TMEM33: variants seen among roughly 807,000 people sequenced by gnomAD.
TMEM33 encodes transmembrane protein 33.
Under a neutral mutation model 29.7 loss-of-function variants are expected in TMEM33, and 16 were observed. The observed-to-expected ratio is 0.54, with a 90% CI of 0.36 to 0.82. TMEM33 has a LOEUF of 0.82. TMEM33 is among the 40% of genes least tolerant of loss of function. TMEM33 has a pLI of 0.00. For synonymous variants in TMEM33, 112 were observed against 109.4 expected, an observed-to-expected ratio of 1.02 and a Z score of -0.15; for missense variants, 252 against 295.3, an observed-to-expected ratio of 0.85 and a Z score of 1.08.
rs1404793625 is a variant in TMEM33, at chr4:41,935,535, T to G, written c.45+6T>G. ...CCCAAGGGGCGGGCGCTGTGGTAAG[T>G]GCGAGGGCAGGGTAGTCTGGCTTGA... On this transcript the variant is annotated splice_donor_region_variant and intron_variant, in intron 1 of 6. Transcript: ENST00000504986. 3 of 1,604,780 alleles carry G rather than the reference T, an allele frequency of 1.9e-6. No individual in the cohort carries two copies. In the African/African-American group the frequency reaches 4.0e-5, roughly 21 times the overall value.
intron 1 of TMEM33, among the ~76,000 whole-genome samples, chr4:41,936,198 T>C (rs1303395256): frequency 6.6e-6 from 1 of 152,242 alleles, no homozygotes; most frequent in Non-Finnish European, 1.5e-5. Context: ...CAAATTTCCA[T>C]AATTGTCCTT....
At position 41,958,608 on chromosome 4, in the gene TMEM33, A is replaced by G. The variant is rs1445332795; in HGVS notation, c.*4409A>G. 6.6e-6 allele frequency: 1 copy of G among 151,750 alleles called. No homozygotes were observed. The highest frequency in any genetic ancestry group is 1.5e-5 in the Non-Finnish European group (1 of 68,028). The allele number at this position is 151,750 out of a possible 1,614,324, so 9.4% of individuals were successfully genotyped here. On this transcript the variant is annotated 3_prime_UTR_variant, in exon 7 of 7. Transcript: ENST00000504986. ...ATTTAGACTTTTGATAGTAATATAA[A>G]AGCATATTGAAATTTGTAGATATTA...
In TMEM33 at chr4:41,959,539, A is replaced by G. The variant is rs1713399267; in HGVS notation, c.*5340A>G. 4 of 152,194 alleles carry G rather than the reference A, an allele frequency of 2.6e-5. No homozygotes were observed. The highest frequency in any genetic ancestry group is 2.6e-4 in the Admixed American group (4 of 15,288). The allele number at this position is 152,194 out of a possible 1,614,324, so 9.4% of individuals were successfully genotyped here. On this transcript the variant is annotated 3_prime_UTR_variant, in exon 7 of 7. Transcript: ENST00000504986. ...CATATTCCATGAGAAAGAGTGGCCT[A>G]AGAATTATTTCATGTTACCTAGCCT...
At chr4:41,947,894 A>G (rs1181224970) in intron 5 of TMEM33, among the ~76,000 whole-genome samples, 3 of 152,212 alleles carry the variant, frequency 2.0e-5, no homozygotes, top group African/African-American at 4.8e-5. Context: ...AAAGACAGGT[A>G]AAAGGATCAT....
Position 41,947,416 on chromosome 4 carries a change from C to A in TMEM33, c.531-1886C>A, listed in dbSNP as rs77500212. On this transcript the variant is annotated intron_variant, in intron 5 of 6. Coordinates refer to ENST00000504986, the MANE Select transcript of TMEM33 (RefSeq NM_018126.3). ...GCCATGCAAACTTAGACAAAAACTT[C>A]ACTTTGGAACTATAGTGAATTTTTT... is the stretch of plus-strand genomic sequence containing the variant. Among the ~76,000 whole-genome samples the A allele has an allele frequency of 1.1e-3, 174 of 152,188 alleles. 3 individuals are homozygous for A. The East Asian group carries it at 0.025, about 22-fold the overall frequency.
rs1405091636 is a variant in TMEM33, at chr4:41,959,979, C to T, written c.*5780C>T. On this transcript the variant is annotated 3_prime_UTR_variant, in exon 7 of 7. Coordinates refer to ENST00000504986, the MANE Select transcript of TMEM33 (RefSeq NM_018126.3). ...GTACAGGTTGGGGAGTTACATTCTT[C>T]AGGCCAATACTATCCAGACTATATA... 1 of 152,084 alleles carries T rather than the reference C, an allele frequency of 6.6e-6. No homozygotes were observed. Among genetic ancestry groups the T allele is most frequent in the African/African-American group, 2.4e-5 (1 of 41,424 alleles). The allele number at this position is 152,084 out of a possible 1,614,324, so 9.4% of individuals were successfully genotyped here.
At chr4:41,952,847 G>A (rs1478447445) in intron 6 of TMEM33, among the ~76,000 whole-genome samples, 1 of 151,992 alleles carries the variant, frequency 6.6e-6, no homozygotes, top group Non-Finnish European at 1.5e-5. Flanking sequence ...TTACAGAAGA[G>A]GAAATCTCTG....
At chr4:41,953,280 C>G (rs116183240) in intron 6 of TMEM33, among the ~76,000 whole-genome samples, 4,001 of 152,204 alleles carry the variant, frequency 0.026, 164 homozygotes, top group African/African-American at 0.09. Flanking sequence ...GGGAGTGGTT[C>G]CAGACTACCA....
At chr4:41,942,577 A>T (rs1449995958) in intron 3 of TMEM33, among the ~76,000 whole-genome samples, 1 of 152,140 alleles carries the variant, frequency 6.6e-6, no homozygotes, top group Admixed American at 6.5e-5. Flanking sequence ...GGAACTGGTA[A>T]TATTTTTAGG....
At chr4:41,944,397 T>C (rs897083803) in intron 4 of TMEM33, among the ~76,000 whole-genome samples, 1 of 152,218 alleles carries the variant, frequency 6.6e-6, no homozygotes, top group African/African-American at 2.4e-5. Context: ...TCCCTATAAT[T>C]CTTTGGTCAC....
rs997897397 is a variant in TMEM33 at position 41,956,592 on chromosome 4, A to G, written c.*2393A>G. ...TTGAAAAGTACTGTTGGTCAAGATA[A>G]TTGGTCAATAATCCATGTTGGTTTT... is the stretch of plus-strand genomic sequence containing the variant. On this transcript the variant is annotated 3_prime_UTR_variant, in exon 7 of 7. Transcript: ENST00000504986. 1.3e-5 allele frequency: 2 copies of G among 152,178 alleles called. No individual in the cohort carries two copies. The highest frequency in any genetic ancestry group is 1.3e-4 in the Admixed American group (2 of 15,278). 9.4% of individuals were successfully genotyped at this position (152,178 alleles called of 1,614,324 possible).
At chr4:41,935,315 G>A, upstream of TMEM33, 1 of 742,426 alleles carries the variant, frequency 1.3e-6, no homozygotes, top group Non-Finnish European at 2.3e-6. Context: ...CACCAGGCGA[G>A]CGAGACCCTT....
In TMEM33 at chr4:41,954,132, T is replaced by A; in HGVS notation, c.677T>A (p.Leu226Gln). 1 of 1,613,964 alleles carries A rather than the reference T, an allele frequency of 6.2e-7. No homozygotes were observed. Among genetic ancestry groups the A allele is most frequent in the Non-Finnish European group, 8.5e-7 (1 of 1,179,834 alleles). The change falls in exon 7 of 7, where the codon CTG becomes CAG. Residue 226 changes from leucine to glutamine, a missense_variant. Physicochemically the swap from Leu to Gln is moderately radical, Grantham distance 113. Coordinates refer to ENST00000504986, the MANE Select transcript of TMEM33 (RefSeq NM_018126.3). ...EHIIMKPACP[L>Q]FVRRLCLQSI... Reference sequence around the variant, plus strand: ...ATAATAATGAAACCTGCTTGCCCACTGTTTGTGAGAAGACTTTGTCTCCAG... The same window carrying A: ...ATAATAATGAAACCTGCTTGCCCACAGTTTGTGAGAAGACTTTGTCTCCAG...
chr4:41,949,232 C>A, intron 5 of TMEM33, 70 bp from the exon 6 acceptor site: 2 of 1,043,946 alleles, frequency 1.9e-6, no homozygotes, highest in Non-Finnish European at 2.8e-6. Context: ...AGTTGAATTG[C>A]TTTTAAGTTT....
At position 41,939,334 on chromosome 4, in the gene TMEM33, C is replaced by T; in HGVS notation, c.279C>T (p.Cys93=). 2 of 1,613,678 alleles carry T rather than the reference C, an allele frequency of 1.2e-6. No homozygotes were observed. The highest frequency in any genetic ancestry group is 1.7e-5 in the Admixed American group (1 of 59,792). The stretch of plus-strand genomic sequence containing the variant: ...CCCAGGCTTTGTTAGAGGACAGCTG[C>T]CACTACCTGTTGTATTCACTCATCT... ...FLAQALLEDS[C]HYLLYSLIFV... Residue 93 remains cysteine, a synonymous_variant, in exon 3 of 7, where the codon TGC becomes TGT. Transcript: ENST00000504986.
chr4:41,947,594 G>T (rs1017885908), intron 5 of TMEM33, among the ~76,000 whole-genome samples: 1 of 152,150 alleles, frequency 6.6e-6, no homozygotes, highest in Non-Finnish European at 1.5e-5. Context: ...TTTAAATAGA[G>T]AAATAATTTT....
rs557466606 is a variant in TMEM33 at position 41,957,670 on chromosome 4, T to C, written c.*3471T>C. The C allele has an allele frequency of 6.6e-6, 1 of 152,176 alleles. No individual in the cohort carries two copies. The highest frequency in any genetic ancestry group is 1.9e-4 in the East Asian group (1 of 5,174). The allele number at this position is 152,176 out of a possible 1,614,324, so 9.4% of individuals were successfully genotyped here. A position where few individuals can be genotyped will look rare whatever the true frequency, so the allele number is the denominator to read the frequency against. ...GATTGAGGTAAAGAACCTTAACTAA[T>C]GCTAAGGAGTTTATTTTGATTAACA... On this transcript the variant is annotated 3_prime_UTR_variant, in exon 7 of 7. Transcript: ENST00000504986.
In TMEM33 at chr4:41,957,299, A is replaced by G. The variant is rs1713311871; in HGVS notation, c.*3100A>G. ...TTTTTTTTTTTGGAATGAAGTTCAG[A>G]GGTAGATCCTCCTGGAAGAAAGAAA... On this transcript the variant is annotated 3_prime_UTR_variant, in exon 7 of 7. Transcript: ENST00000504986. 7.0e-6 allele frequency: 1 copy of G among 142,830 alleles called. No individual in the cohort carries two copies. Among genetic ancestry groups the G allele is most frequent in the Non-Finnish European group, 1.5e-5 (1 of 66,656 alleles). 8.8% of individuals were successfully genotyped at this position (142,830 alleles called of 1,614,324 possible).
intron 3 of TMEM33, among the ~76,000 whole-genome samples, chr4:41,940,957 A>G (rs1560516365): frequency 1.3e-5 from 2 of 152,200 alleles, no homozygotes; most frequent in East Asian, 3.8e-4. Flanking sequence ...GTAATGCTGA[A>G]AAAGTCTTTC....
Sources: gnomAD v4.1 joint callset for allele counts (sites outside exome capture counted in the v4.1 genomes callset) on GRCh38, gnomAD v4.1.1 for gene constraint, MANE v1.5 for transcripts, NCBI Gene and HGNC (gene_info 2026-07-23, HGNC 2026-07-21) for gene names.